CSMD2: variants seen among roughly 807,000 people sequenced by gnomAD.
CSMD2 encodes the protein CUB and sushi domain-containing protein 2.
Under a neutral mutation model 398.5 loss-of-function variants are expected in CSMD2, and 130 were observed. That is an observed-to-expected ratio of 0.33 (90% CI 0.28 to 0.38). The LOEUF (loss-of-function observed/expected upper bound fraction) is 0.38. Among genes scored for constraint, CSMD2 ranks in the 10% least tolerant of loss-of-function variants. The pLI is 1.00. For synonymous variants in CSMD2, 1,828 were observed against 1,908.5 expected, an observed-to-expected ratio of 0.96 and a Z score of 1.10; for missense variants, 3,829 against 4,764.9, an observed-to-expected ratio of 0.80 and a Z score of 5.78.
chr1:33,751,056 A>T (rs905145571), intron 13 of CSMD2, among the ~76,000 whole-genome samples: 2 of 151,962 alleles, frequency 1.3e-5, no homozygotes, highest in Non-Finnish European at 2.9e-5. Context: ...TTGGAATTTG[A>T]CAGAAAGATG....
intron 13 of CSMD2, among the ~76,000 whole-genome samples, chr1:33,752,473 C>A (rs1405439982): frequency 1.3e-5 from 2 of 152,204 alleles, no homozygotes; most frequent in Non-Finnish European, 2.9e-5. Flanking sequence ...AGGAGCTGAG[C>A]AGATGTTGGT....
chr1:33,881,434 G>T (rs1181482766), intron 5 of CSMD2, among the ~76,000 whole-genome samples: 1 of 152,198 alleles, frequency 6.6e-6, no homozygotes, highest in Non-Finnish European at 1.5e-5. Context: ...TGAAAAATGT[G>T]GGGAAGGTCG....
At chr1:33,615,596 C>A (rs1449795508) in intron 39 of CSMD2, among the ~76,000 whole-genome samples, 1 of 152,194 alleles carries the variant, frequency 6.6e-6, no homozygotes, top group Non-Finnish European at 1.5e-5. Context: ...AGTGACAGCA[C>A]CCTTCTAATG....
chr1:33,745,479 C>T (rs1336391244), intron 13 of CSMD2, among the ~76,000 whole-genome samples: 1 of 152,030 alleles, frequency 6.6e-6, no homozygotes, highest in Non-Finnish European at 1.5e-5. Context: ...ATTTGACTTA[C>T]TAAAGGTAAT....
intron 3 of CSMD2, among the ~76,000 whole-genome samples, chr1:33,991,984 C>T (rs1174072806): frequency 2.0e-5 from 3 of 151,482 alleles, no homozygotes; most frequent in Non-Finnish European, 1.5e-5. Context: ...TGAAAAGAGG[C>T]ACCGTGTTGC....
At chr1:33,904,334 G>A (rs1479298463) in intron 5 of CSMD2, among the ~76,000 whole-genome samples, 1 of 152,198 alleles carries the variant, frequency 6.6e-6, no homozygotes, top group Non-Finnish European at 1.5e-5. Context: ...TATGAGTGGG[G>A]AGGGGATGAG....
intron 25 of CSMD2, among the ~76,000 whole-genome samples, chr1:33,691,285 G>A (rs1185316046): frequency 6.6e-6 from 1 of 152,154 alleles, no homozygotes; most frequent in African/African-American, 2.4e-5. Flanking sequence ...GGGTGGCCAT[G>A]GAATCCGGTT....
intron 3 of CSMD2, among the ~76,000 whole-genome samples, chr1:33,944,971 C>T (rs1338974050): frequency 1.3e-5 from 2 of 152,018 alleles, no homozygotes; most frequent in African/African-American, 4.8e-5. Context: ...TAGAGGATTC[C>T]CAACCCACAT....
At chr1:33,527,485 G>C (rs1333994760) in intron 64 of CSMD2, among the ~76,000 whole-genome samples, 1 of 152,164 alleles carries the variant, frequency 6.6e-6, no homozygotes, top group East Asian at 1.9e-4. Context: ...CATTTTATTA[G>C]TTGGAGTTCT....
intron 5 of CSMD2, among the ~76,000 whole-genome samples, chr1:33,871,259 A>G (rs1209351869): frequency 6.6e-6 from 1 of 152,232 alleles, no homozygotes; most frequent in South Asian, 2.1e-4. Context: ...CTTTGGAACC[A>G]GGCAGTGGGC....
chr1:34,077,025 T>C (rs1322815428), intron 2 of CSMD2, among the ~76,000 whole-genome samples: 1 of 147,548 alleles, frequency 6.8e-6, no homozygotes, highest in Non-Finnish European at 1.5e-5. Flanking sequence ...AGTTCATTTC[T>C]CACAACACAA....
At chr1:33,550,044 T>G in intron 56 of CSMD2, 133 bp downstream of exon 56, 1 of 838,682 alleles carries the variant, frequency 1.2e-6, no homozygotes, top group Non-Finnish European at 1.9e-6. Flanking sequence ...TTTCTACCTG[T>G]TAGGGTAGAT....
At chr1:33,706,213 T>G (rs1162980606) in intron 22 of CSMD2, among the ~76,000 whole-genome samples, 2 of 152,208 alleles carry the variant, frequency 1.3e-5, no homozygotes, top group African/African-American at 2.4e-5. Flanking sequence ...CGTGCTATGT[T>G]ATTTGGCACA....
At chr1:33,671,663 C>T (rs1644503549) in intron 25 of CSMD2, among the ~76,000 whole-genome samples, 1 of 152,094 alleles carries the variant, frequency 6.6e-6, no homozygotes. Context: ...CTCTTCCCAC[C>T]AGCCCCCTCT....
chr1:33,773,258 G>A lies in CSMD2; in HGVS notation c.1664-507C>T, dbSNP rs187264622. Among the ~76,000 whole-genome samples the A allele has an allele frequency of 3.9e-5, 6 of 152,362 alleles. No individual in the cohort carries two copies. The East Asian group carries it at 1.2e-3, about 29-fold the overall frequency. On this transcript the variant is annotated intron_variant, in intron 12 of 70. Transcript: ENST00000373381. Reference sequence around the variant, plus strand: ...GGCAAGTCAAGATGACACAGCAGTTGAGGCTTTGCTCCCTGTCTTTTTCCC... The same window carrying A: ...GGCAAGTCAAGATGACACAGCAGTTAAGGCTTTGCTCCCTGTCTTTTTCCC...
intron 1 of CSMD2, among the ~76,000 whole-genome samples, chr1:34,154,831 G>A (rs1450308955): frequency 6.7e-6 from 1 of 149,442 alleles, no homozygotes; most frequent in Non-Finnish European, 1.5e-5. Context: ...AGGTTCAAGC[G>A]ATTCTCCTGC....
In CSMD2 at chr1:34,032,127, C is replaced by T. The variant is rs1650526384; in HGVS notation, c.517+467G>A. 2.0e-5 allele frequency among the ~76,000 whole-genome samples: 3 copies of T among 152,138 alleles called. No individual in the cohort carries two copies. The South Asian group carries it at 6.2e-4, about 32-fold the overall frequency. ...ACAAACCAAAAGCCCCTAATCCATG[C>T]TATTAAGGAAAAATCGATTGTTCTT... On this transcript the variant is annotated intron_variant, in intron 3 of 70. Coordinates refer to ENST00000373381, the MANE Select transcript of CSMD2 (RefSeq NM_001281956.2).
chr1:34,031,765 CAAAAAA>C (rs556094322), intron 3 of CSMD2, among the ~76,000 whole-genome samples: 7 of 71,260 alleles, frequency 9.8e-5, no homozygotes, highest in Admixed American at 1.8e-4. Context: ...AAGGCAAAGG[CAAAAAA>C]AAAAAAAAAA....
chr1:34,052,162 T>C (rs965868376), intron 2 of CSMD2, among the ~76,000 whole-genome samples: 3 of 118,460 alleles, frequency 2.5e-5, no homozygotes, highest in African/African-American at 1.2e-4. Flanking sequence ...TAATAAAGCA[T>C]ATGTATACAC....
Sources: allele counts gnomAD v4.1 joint callset (sites outside exome capture counted in the v4.1 genomes callset), GRCh38; gene constraint gnomAD v4.1.1; transcripts MANE v1.5; gene names NCBI Gene and HGNC (gene_info 2026-07-23, HGNC 2026-07-21).